Variants in CCL26 observed in about 807,000 individuals in gnomAD.
The protein encoded by CCL26 is C-C motif chemokine 26.
In CCL26, 10 loss-of-function variants were observed where a neutral mutation model predicts 10.7. The ratio of observed to expected loss-of-function variants is 0.93; its 90% CI spans 0.57 to 1.58. The LOEUF (loss-of-function observed/expected upper bound fraction) is 1.58, where lower values mean the gene tolerates loss of function less well. Among genes scored for constraint, CCL26 ranks in the 40% most tolerant of loss-of-function variants. CCL26 has a pLI of 0.00. For synonymous variants in CCL26, 43 were observed against 41.4 expected (o/e 1.04, Z -0.15); for missense variants, 116 against 111.0 (o/e 1.05, Z -0.20).
chr7:75,778,570 A>C (rs1802991190), intron 1 of CCL26, among the ~76,000 whole-genome samples: 1 of 146,992 alleles, frequency 6.8e-6, no homozygotes, highest in Non-Finnish European at 1.5e-5. Context: ...TTTTTTTTTT[A>C]ATGTACCTGG....
chr7:75,787,183 A>G (rs1366859617), intron 1 of CCL26, among the ~76,000 whole-genome samples: 1 of 152,092 alleles, frequency 6.6e-6, no homozygotes, highest in East Asian at 1.9e-4. Flanking sequence ...GTCAGACGTA[A>G]TTCCTCGGTT....
intron 1 of CCL26, among the ~76,000 whole-genome samples, chr7:75,784,944 A>G (rs1803150657): frequency 6.6e-6 from 1 of 152,186 alleles, no homozygotes; most frequent in Non-Finnish European, 1.5e-5. Flanking sequence ...TAAAAGGATT[A>G]AAGCCTGTTA....
intron 1 of CCL26, among the ~76,000 whole-genome samples, chr7:75,778,408 GTTT>G (rs369917697): frequency 3.6e-5 from 5 of 138,528 alleles, no homozygotes; most frequent in Non-Finnish European, 3.1e-5. Flanking sequence ...TTTTGGTGTG[GTTT>G]TTTTTTTTTT....
At position 75,769,597 on chromosome 7, in the gene CCL26, G is replaced by T; in HGVS notation, c.*96C>A. ...GGAAACACCCTCTCCTCCCCAGCGGGTCCATGTAGCCTTCAGAAAAGATTC... is the reference window on the plus strand; with the variant it reads ...GGAAACACCCTCTCCTCCCCAGCGGTTCCATGTAGCCTTCAGAAAAGATTC... On this transcript the variant is annotated 3_prime_UTR_variant, in exon 3 of 3. Coordinates refer to ENST00000005180, the MANE Select transcript of CCL26 (RefSeq NM_001371938.1). 1.4e-6 allele frequency: 1 copy of T among 728,082 alleles called. No individual in the cohort carries two copies. Among genetic ancestry groups the T allele is most frequent in the South Asian group, 1.6e-5 (1 of 60,720 alleles). The allele number at this position is 728,082 out of a possible 1,614,324, so 45.1% of individuals were successfully genotyped here.
At chr7:75,774,999 A>G (rs1309544180), upstream of CCL26, among the ~76,000 whole-genome samples, 2 of 152,048 alleles carry the variant, frequency 1.3e-5, no homozygotes, top group African/African-American at 2.4e-5. Context: ...GGGGGTGGAT[A>G]CCTTGAGGTC....
At chr7:75,791,272 G>A (rs1396954029), upstream of CCL26, among the ~76,000 whole-genome samples, 2 of 152,018 alleles carry the variant, frequency 1.3e-5, no homozygotes, top group African/African-American at 2.4e-5. Flanking sequence ...TGATCCACCC[G>A]CCTCAGCTCC....
upstream of CCL26, chr7:75,789,943 T>G (rs923660145): frequency 6.6e-6 from 1 of 152,012 alleles, no homozygotes; most frequent in Non-Finnish European, 1.5e-5. Context: ...CCAGTACAGA[T>G]GTATTGCAGA....
chr7:75,772,654 C>CAAAAA (rs5884975), upstream of CCL26, among the ~76,000 whole-genome samples: 4 of 121,014 alleles, frequency 3.3e-5, no homozygotes, highest in Non-Finnish European at 3.5e-5. Context: ...GAGACTCTGC[C>CAAAAA]AAAAAAAAAA....
chr7:75,787,340 G>A (rs1387399055), intron 1 of CCL26, among the ~76,000 whole-genome samples: 2 of 152,096 alleles, frequency 1.3e-5, no homozygotes, highest in African/African-American at 2.4e-5. Context: ...CGGACTAATG[G>A]TTTTTTAAAG....
At chr7:75,787,013 G>A (rs951401396) in intron 1 of CCL26, among the ~76,000 whole-genome samples, 4 of 152,136 alleles carry the variant, frequency 2.6e-5, no homozygotes, top group African/African-American at 9.7e-5. Context: ...TGCACATCAA[G>A]CTGGGGGATT....
At chr7:75,770,508 A>G (rs1410827148) in intron 2 of CCL26, among the ~76,000 whole-genome samples, 2 of 151,296 alleles carry the variant, frequency 1.3e-5, no homozygotes, top group African/African-American at 2.4e-5. Context: ...CAGCCTCCCA[A>G]GTAGCTGGGA....
chr7:75,783,605 G>C (rs1472254610), intron 1 of CCL26, among the ~76,000 whole-genome samples: 3 of 151,586 alleles, frequency 2.0e-5, no homozygotes, highest in Non-Finnish European at 2.9e-5. Context: ...CGAGACTACG[G>C]TGAAACCCCA....
At chr7:75,771,091 T>C (rs11465340) in intron 2 of CCL26, among the ~76,000 whole-genome samples, 6,365 of 151,750 alleles carry the variant, frequency 0.042, 300 homozygotes, top group African/African-American at 0.12. Flanking sequence ...CTCTTTTTTT[T>C]CTCTTTTGTT....
At chr7:75,783,352 C>T (rs1299105328) in intron 1 of CCL26, among the ~76,000 whole-genome samples, 1 of 152,116 alleles carries the variant, frequency 6.6e-6, no homozygotes, top group Non-Finnish European at 1.5e-5. Context: ...ACGAGCCAGA[C>T]CTCCAGGAAG....
intron 1 of CCL26, among the ~76,000 whole-genome samples, chr7:75,786,238 A>G (rs1194345747): frequency 2.0e-5 from 3 of 152,004 alleles, no homozygotes; most frequent in Admixed American, 2.0e-4. Flanking sequence ...CCATTTCCGC[A>G]TATTTCCTTC....
chr7:75,774,701 C>T (rs1224015043), upstream of CCL26, among the ~76,000 whole-genome samples: 2 of 152,084 alleles, frequency 1.3e-5, no homozygotes, highest in Admixed American at 1.3e-4. Flanking sequence ...CCGCCTCAGC[C>T]TCCCAAAGTG....
At chr7:75,790,786 A>T (rs1803313881), upstream of CCL26, among the ~76,000 whole-genome samples, 1 of 151,908 alleles carries the variant, frequency 6.6e-6, no homozygotes, top group East Asian at 2.0e-4. Flanking sequence ...TCTATTAAAA[A>T]TACAAAAATT....
At chr7:75,771,850 C>T in intron 2 of CCL26, 39 bp downstream of exon 2, 1 of 1,418,600 alleles carries the variant, frequency 7.0e-7, no homozygotes, top group Non-Finnish European at 1.0e-6. Flanking sequence ...TGTTGCATGA[C>T]TGATGGGGCC....
Position 75,772,157 on chromosome 7 carries a change from G to A in CCL26, c.20C>T (p.Ala7Val). ...GAGGGAGGCCAGGAGCACAGCAGAGGCCAAGGAGAGGCCCATCATGATGCT... is the reference window on the plus strand; with the variant it reads ...GAGGGAGGCCAGGAGCACAGCAGAGACCAAGGAGAGGCCCATCATGATGCT... MMGLSL[A>V]SAVLLASLLS... Residue 7 changes from alanine to valine, a missense_variant, in exon 1 of 3, where the codon GCC becomes GTC. By Grantham distance (64) the Ala-to-Val change is moderately conservative (BLOSUM62 0). Transcript: ENST00000005180. 6.4e-7 allele frequency: 1 copy of A among 1,552,910 alleles called. No individual in the cohort carries two copies. The highest frequency in any genetic ancestry group is 1.9e-4 in the Middle Eastern group (1 of 5,312).
Sources: gnomAD v4.1 joint callset for allele counts (sites outside exome capture counted in the v4.1 genomes callset) on GRCh38, gnomAD v4.1.1 for gene constraint, MANE v1.5 for transcripts, NCBI Gene and HGNC (gene_info 2026-07-23, HGNC 2026-07-21) for gene names.